NCOA2: variants seen among roughly 807,000 people sequenced by gnomAD.
NCOA2 encodes nuclear receptor coactivator 2, also known as class E basic helix-loop-helix protein 75.
NCOA2 carries 21 observed loss-of-function variants against 145.1 expected under a neutral mutation model. That is an observed-to-expected ratio of 0.14 (90% confidence interval 0.10 to 0.21). The LOEUF is 0.21. Among genes scored for constraint, NCOA2 ranks in the 10% least tolerant of loss-of-function variants. NCOA2 has a pLI of 1.00. For synonymous variants in NCOA2, 619 were observed against 637.5 expected, an observed-to-expected ratio of 0.97 and a Z score of 0.44; for missense variants, 1,472 against 1,837.6, an observed-to-expected ratio of 0.80 and a Z score of 3.64.
At chr8:70,155,891 A>T in intron 11 of NCOA2, 80 bp downstream of exon 11, 1 of 1,127,420 alleles carries the variant, frequency 8.9e-7, no homozygotes, top group Non-Finnish European at 1.2e-6. Context: ...CAATCACCTG[A>T]GACTTCAAAA....
At chr8:70,245,239 CATTT>C (rs1822510965) in intron 2 of NCOA2, 1 of 152,066 alleles carries the variant, frequency 6.6e-6, no homozygotes, top group Admixed American at 6.6e-5. Context: ...TCTCCTCTAT[CATTT>C]GTTTCTAACG....
intron 1 of NCOA2, among the ~76,000 whole-genome samples, chr8:70,316,670 G>GT (rs138670875): frequency 0.046 from 6,934 of 152,194 alleles, 263 homozygotes; most frequent in East Asian, 0.16. Context: ...AAACAGATCA[G>GT]TTTTTTTCTG....
intron 1 of NCOA2, among the ~76,000 whole-genome samples, chr8:70,313,372 C>T (rs1805287401): frequency 6.6e-6 from 1 of 152,026 alleles, no homozygotes; most frequent in African/African-American, 2.4e-5. Context: ...TTAGCAAGTC[C>T]AAAAATACTT....
In NCOA2 at chr8:70,324,611, G is replaced by A. The variant is rs142403371; in HGVS notation, c.-76-27811C>T. 2.6e-3 allele frequency among the ~76,000 whole-genome samples: 399 copies of A among 151,706 alleles called. 1 individual carries two copies. Among genetic ancestry groups the A allele is most frequent in the Middle Eastern group, 0.024 (7 of 292 alleles). ...CCGCCTTGGCCTCCCAAAAGCTCACGAGCCATGGTGTCCAACCCCAAAAAA... is the reference window on the plus strand; with the variant it reads ...CCGCCTTGGCCTCCCAAAAGCTCACAAGCCATGGTGTCCAACCCCAAAAAA... On this transcript the variant is annotated intron_variant, in intron 1 of 22. Coordinates refer to ENST00000452400, the MANE Select transcript of NCOA2 (RefSeq NM_006540.4).
intron 4 of NCOA2, among the ~76,000 whole-genome samples, chr8:70,199,374 C>A (rs185784961): frequency 2.7e-4 from 41 of 151,374 alleles, no homozygotes; most frequent in African/African-American, 1.0e-3. Flanking sequence ...TTGCTTGAAC[C>A]CAGGAGGTGG....
intron 2 of NCOA2, among the ~76,000 whole-genome samples, chr8:70,268,624 G>A (rs1030737835): frequency 6.6e-6 from 1 of 151,996 alleles, no homozygotes. Flanking sequence ...GGCTGCACTG[G>A]TTATTAGCTA....
chr8:70,163,732 A>C (rs1813311607), intron 7 of NCOA2, among the ~76,000 whole-genome samples, 166 bp from the exon 8 acceptor site: 1 of 152,158 alleles, frequency 6.6e-6, no homozygotes, highest in Non-Finnish European at 1.5e-5. Context: ...TCTTCATGAA[A>C]GTGGTAGGTG....
intron 4 of NCOA2, among the ~76,000 whole-genome samples, chr8:70,176,521 T>G (rs1331791510): frequency 6.6e-6 from 1 of 152,180 alleles, no homozygotes; most frequent in African/African-American, 2.4e-5. Context: ...GGCAAATACC[T>G]CAGGGTCTCC....
At chr8:70,284,177 C>T (rs976673918) in intron 2 of NCOA2, among the ~76,000 whole-genome samples, 1 of 152,150 alleles carries the variant, frequency 6.6e-6, no homozygotes, top group Non-Finnish European at 1.5e-5. Context: ...ACATGCTTCA[C>T]CACTTTTATA....
At chr8:70,279,879 G>A (rs900325203) in intron 2 of NCOA2, among the ~76,000 whole-genome samples, 1 of 152,212 alleles carries the variant, frequency 6.6e-6, no homozygotes, top group African/African-American at 2.4e-5. Flanking sequence ...AAAAAGAGAA[G>A]GTCCTGATGA....
At chr8:70,260,581 T>C (rs1824030627) in intron 2 of NCOA2, among the ~76,000 whole-genome samples, 1 of 152,208 alleles carries the variant, frequency 6.6e-6, no homozygotes, top group Non-Finnish European at 1.5e-5. Context: ...TACCTAACCA[T>C]TTGCTTTAAA....
intron 22 of NCOA2, among the ~76,000 whole-genome samples, chr8:70,117,745 G>A (rs1216979147): frequency 1.3e-5 from 2 of 152,208 alleles, no homozygotes; most frequent in Non-Finnish European, 2.9e-5. Context: ...GTAAGACCTT[G>A]ATCGAGTCAT....
chr8:70,342,777 ACACACACACACAC>A lies in NCOA2; in HGVS notation c.-76-45990_-76-45978del, dbSNP rs1563785107. 5.8e-4 allele frequency among the ~76,000 whole-genome samples: 19 copies of A among 32,504 alleles called. No individual in the cohort carries two copies. In the East Asian group the frequency reaches 8.9e-3, roughly 15 times the overall value. The allele number at this position is 32,504 out of a possible 152,430, so 21.3% of individuals were successfully genotyped here. The stretch of plus-strand genomic sequence containing the variant: ...CACACTTTTCTTCTTTTGCAATTAC[ACACACACACACAC>A]ACACACACACACACACACACACACA... On this transcript the variant is annotated intron_variant, in intron 1 of 22. Transcript: ENST00000452400.
chr8:70,123,586 A>G (rs1172665734), intron 21 of NCOA2, among the ~76,000 whole-genome samples: 1 of 152,032 alleles, frequency 6.6e-6, no homozygotes, highest in Non-Finnish European at 1.5e-5. Context: ...TCACTATTTC[A>G]TCTTTAGAGA....
intron 1 of NCOA2, among the ~76,000 whole-genome samples, chr8:70,319,471 C>T (rs1903343): frequency 0.11 from 15,969 of 151,736 alleles, 1,285 homozygotes; most frequent in East Asian, 0.41. Flanking sequence ...GAGCCCAGGA[C>T]GTGGAGGTTA....
chr8:70,373,541 A>G (rs917825532), intron 1 of NCOA2, among the ~76,000 whole-genome samples: 1 of 152,126 alleles, frequency 6.6e-6, no homozygotes, highest in African/African-American at 2.4e-5. Flanking sequence ...AGACAGCTTT[A>G]TTTTTTATAA....
chr8:70,213,111 A>AAC (rs1819222594), intron 4 of NCOA2, among the ~76,000 whole-genome samples: 1 of 151,000 alleles, frequency 6.6e-6, no homozygotes, highest in African/African-American at 2.4e-5. Flanking sequence ...AAAAAAAAAA[A>AAC]ACCACACCAG....
chr8:70,271,965 AAT>A (rs1825085161), intron 2 of NCOA2, among the ~76,000 whole-genome samples: 1 of 151,304 alleles, frequency 6.6e-6, no homozygotes, highest in East Asian at 2.2e-4. Context: ...CAGTAAATTG[AAT>A]AAAGAGATTG....
chr8:70,442,135 GAAAGAAAGA>G, the NCOA2 span, among the ~76,000 whole-genome samples: 1 of 51,600 alleles, frequency 1.9e-5, no homozygotes. Context: ...AAGAAAGAAA[GAAAGAAAGA>G]AAGAAAGAAA....
Sources: allele counts gnomAD v4.1 joint callset (sites outside exome capture counted in the v4.1 genomes callset), GRCh38; gene constraint gnomAD v4.1.1; transcripts MANE v1.5; gene names NCBI Gene and HGNC (gene_info 2026-07-23, HGNC 2026-07-21).